Variants in SLC41A2 observed in about 807,000 individuals in gnomAD.
The protein encoded by SLC41A2 is SLC41A1-like 1.
A neutral mutation model predicts 58.3 loss-of-function variants in SLC41A2; 32 were observed. The observed-to-expected ratio is 0.55, with a 90% CI of 0.41 to 0.74. The LOEUF is 0.74. Ranked by LOEUF, SLC41A2 falls within the 30% of genes least tolerant of loss-of-function variation. The probability of loss-of-function intolerance (pLI) is 0.00; values close to 1 mark genes in which losing one functional copy is unlikely to be tolerated. For synonymous variants in SLC41A2, 190 were observed against 235.0 expected (o/e 0.81, Z 1.75); for missense variants, 514 against 680.6 (o/e 0.76, Z 2.72).
chr12:104,879,256 G>C (rs911532998), intron 6 of SLC41A2, among the ~76,000 whole-genome samples: 2 of 152,140 alleles, frequency 1.3e-5, no homozygotes, highest in Non-Finnish European at 2.9e-5. Flanking sequence ...CCATTCTATA[G>C]GTTACCTGAT....
At chr12:104,930,767 T>C (rs1471250530) in intron 1 of SLC41A2, among the ~76,000 whole-genome samples, 1 of 151,708 alleles carries the variant, frequency 6.6e-6, no homozygotes, top group Non-Finnish European at 1.5e-5. Context: ...GGTAGAAAAA[T>C]AGAGAGGAGA....
At chr12:104,845,765 C>T (rs1222066634) in intron 9 of SLC41A2, 78 bp downstream of exon 9, 2 of 1,416,652 alleles carry the variant, frequency 1.4e-6, no homozygotes, top group Non-Finnish European at 1.9e-6. Context: ...AACACATATT[C>T]AATAAATGTT....
At position 104,886,079 on chromosome 12, in the gene SLC41A2, AT is replaced by A. The variant is rs67670868; in HGVS notation, c.1027+213del. Among the ~76,000 whole-genome samples, 11,311 of 152,156 alleles carry A rather than the reference AT, an allele frequency of 0.074. 476 individuals are homozygous for A. Among genetic ancestry groups the A allele is most frequent in the Middle Eastern group, 0.11 (31 of 294 alleles). On this transcript the variant is annotated intron_variant, in intron 6 of 10. Transcript: ENST00000258538. ...TTCTCATCTAAAATTAGAGATGATAATCCTTATTTTACAGAGTTTTAAACTC... is the reference window on the plus strand; with the variant it reads ...TTCTCATCTAAAATTAGAGATGATAACCTTATTTTACAGAGTTTTAAACTC...
At chr12:104,919,617 A>G (rs1024933026) in intron 2 of SLC41A2, among the ~76,000 whole-genome samples, 2 of 151,984 alleles carry the variant, frequency 1.3e-5, no homozygotes, top group Admixed American at 1.3e-4. Context: ...ACTTCTTTTC[A>G]TGTGTTTATC....
chr12:104,924,704 A>G (rs1299911681), intron 2 of SLC41A2, among the ~76,000 whole-genome samples: 1 of 151,930 alleles, frequency 6.6e-6, no homozygotes, highest in African/African-American at 2.4e-5. Context: ...AGACTGCACC[A>G]TTGCACTCCA....
intron 1 of SLC41A2, among the ~76,000 whole-genome samples, chr12:104,945,360 C>T (rs919691836): frequency 5.3e-5 from 8 of 151,410 alleles, no homozygotes; most frequent in Non-Finnish European, 1.2e-4. Context: ...ATTAGCCGGG[C>T]GTGGTGGCGG....
intron 6 of SLC41A2, among the ~76,000 whole-genome samples, chr12:104,868,005 T>G (rs546997184): frequency 4.6e-5 from 7 of 152,110 alleles, no homozygotes; most frequent in African/African-American, 1.7e-4. Context: ...TCCTAAGCTT[T>G]TGTATGGATT....
chr12:104,945,268 A>G (rs1478690276), intron 1 of SLC41A2, among the ~76,000 whole-genome samples: 4 of 152,170 alleles, frequency 2.6e-5, no homozygotes, highest in Admixed American at 2.6e-4. Flanking sequence ...TGGGAGGCCA[A>G]TGGGGTCAGA....
At chr12:104,933,094 T>C (rs141087646) in intron 1 of SLC41A2, among the ~76,000 whole-genome samples, 37 of 151,956 alleles carry the variant, frequency 2.4e-4, no homozygotes, top group Non-Finnish European at 4.4e-4. Context: ...AGAGTAAACA[T>C]AACCTACAGA....
intron 8 of SLC41A2, among the ~76,000 whole-genome samples, chr12:104,848,188 A>G (rs1031222263): frequency 1.3e-5 from 2 of 152,202 alleles, no homozygotes; most frequent in Non-Finnish European, 2.9e-5. Flanking sequence ...GATTCCCCCA[A>G]ATATCTGGAA....
At chr12:104,915,485 A>G (rs2046273357) in intron 2 of SLC41A2, among the ~76,000 whole-genome samples, 1 of 152,180 alleles carries the variant, frequency 6.6e-6, no homozygotes, top group South Asian at 2.1e-4. Flanking sequence ...GGTCCTTCAC[A>G]TCCCTTATAA....
intron 4 of SLC41A2, among the ~76,000 whole-genome samples, chr12:104,890,004 C>A (rs2044871076): frequency 6.6e-6 from 1 of 152,138 alleles, no homozygotes; most frequent in African/African-American, 2.4e-5. Flanking sequence ...TCATCTATTG[C>A]ACTCACTCTT....
intron 2 of SLC41A2, among the ~76,000 whole-genome samples, chr12:104,923,685 G>T (rs1359008512): frequency 6.6e-6 from 1 of 152,100 alleles, no homozygotes; most frequent in Non-Finnish European, 1.5e-5. Context: ...AGACTATTAT[G>T]AACAACTATA....
intron 10 of SLC41A2, among the ~76,000 whole-genome samples, chr12:104,811,767 A>ATATC (rs2041183751): frequency 6.6e-6 from 1 of 152,236 alleles, no homozygotes; most frequent in South Asian, 2.1e-4. Flanking sequence ...ACAACTTAGA[A>ATATC]TATCTACTGA....
intron 2 of SLC41A2, among the ~76,000 whole-genome samples, chr12:104,913,794 T>G (rs1339536134): frequency 1.3e-5 from 2 of 152,148 alleles, no homozygotes; most frequent in African/African-American, 4.8e-5. Flanking sequence ...TAACACCAGG[T>G]TGGGCAGCGG....
intron 1 of SLC41A2, among the ~76,000 whole-genome samples, chr12:104,935,427 C>T (rs73383461): frequency 0.11 from 17,396 of 151,856 alleles, 1,648 homozygotes; most frequent in East Asian, 0.37. Flanking sequence ...TTTTCTATAA[C>T]GTATACGTAG....
intron 1 of SLC41A2, among the ~76,000 whole-genome samples, chr12:104,951,714 T>TTA (rs2047964469): frequency 6.6e-6 from 1 of 151,938 alleles, no homozygotes; most frequent in Non-Finnish European, 1.5e-5. Context: ...ATCTATTTTC[T>TTA]GTTGATTCTT....
chr12:104,926,450 T>C (rs1318333232), intron 2 of SLC41A2, among the ~76,000 whole-genome samples: 1 of 151,990 alleles, frequency 6.6e-6, no homozygotes, highest in Admixed American at 6.6e-5. Context: ...TAGCCAGGCA[T>C]GGTAGCGTGA....
At chr12:104,880,193 T>C (rs543332729) in intron 6 of SLC41A2, among the ~76,000 whole-genome samples, 43 of 152,356 alleles carry the variant, frequency 2.8e-4, no homozygotes, top group African/African-American at 1.0e-3. Context: ...TGAAGTTTCT[T>C]ATCAGCTTAA....
Sources: gnomAD v4.1 joint callset for allele counts (sites outside exome capture counted in the v4.1 genomes callset) on GRCh38, gnomAD v4.1.1 for gene constraint, MANE v1.5 for transcripts, NCBI Gene and HGNC (gene_info 2026-07-23, HGNC 2026-07-21) for gene names.